DISP1: variants seen among roughly 807,000 people sequenced by gnomAD.
DISP1 encodes the protein protein dispatched homolog 1.
In DISP1, 30 loss-of-function variants were observed where a neutral mutation model predicts 37.3. That is an observed-to-expected ratio of 0.80 (90% CI 0.60 to 1.09). DISP1 has a LOEUF of 1.09. Ranked by LOEUF, DISP1 falls within the 50% of genes least tolerant of loss-of-function variation. DISP1 has a pLI of 0.00. For synonymous variants in DISP1, 634 were observed against 690.2 expected (o/e 0.92, Z 1.28); for missense variants, 1,598 against 1,879.5 (o/e 0.85, Z 2.77).
intron 7 of DISP1, among the ~76,000 whole-genome samples, chr1:222,992,965 G>C (rs545919380): frequency 6.7e-6 from 1 of 148,610 alleles, no homozygotes; most frequent in Non-Finnish European, 1.5e-5. Context: ...AGGTTCAAGC[G>C]ATTCTCCTGC....
intron 2 of DISP1, among the ~76,000 whole-genome samples, chr1:222,939,986 C>T (rs1214513507): frequency 4.0e-5 from 6 of 151,822 alleles, no homozygotes; most frequent in African/African-American, 9.7e-5. Context: ...ATTAGCCAGG[C>T]GTGGTGGTGG....
At chr1:222,983,145 CTT>C (rs1558068422) in intron 4 of DISP1, 36 bp downstream of exon 4, 1 of 1,484,868 alleles carries the variant, frequency 6.7e-7, no homozygotes, top group South Asian at 1.1e-5. Flanking sequence ...AAATAATAAA[CTT>C]ACCTGCATGC....
chr1:222,984,403 CAAAAA>C (rs143486728), intron 4 of DISP1, among the ~76,000 whole-genome samples: 180 of 29,890 alleles, frequency 6.0e-3, no homozygotes, highest in Admixed American at 8.0e-3. Context: ...GACTCTGTCT[CAAAAA>C]AAAAAAAAAA....
chr1:222,999,279 G>A lies in DISP1; in HGVS notation c.988-3106G>A, dbSNP rs945655940. 2.0e-5 allele frequency among the ~76,000 whole-genome samples: 3 copies of A among 152,128 alleles called. No homozygotes were observed. The South Asian group carries it at 6.2e-4, about 32-fold the overall frequency. ...GAATTAGAAGGGCTATATTCCTCAT[G>A]AGAGGTATAAGAAGTTGCTTCCACT... On this transcript the variant is annotated intron_variant, in intron 8 of 8. Transcript: ENST00000675850.
At chr1:222,921,524 A>G (rs1179286758) in intron 1 of DISP1, among the ~76,000 whole-genome samples, 1 of 152,224 alleles carries the variant, frequency 6.6e-6, no homozygotes, top group East Asian at 1.9e-4. Flanking sequence ...CTCTACTGAG[A>G]AAAGGGTGAA....
chr1:223,001,846 A>C (rs1679477217), intron 8 of DISP1, among the ~76,000 whole-genome samples: 1 of 152,206 alleles, frequency 6.6e-6, no homozygotes, highest in Non-Finnish European at 1.5e-5. Flanking sequence ...TTCAGACCAA[A>C]GCAGTTCTCT....
chr1:222,831,555 G>A (rs150238041), intron 1 of DISP1, among the ~76,000 whole-genome samples: 84 of 152,184 alleles, frequency 5.5e-4, no homozygotes, highest in African/African-American at 1.7e-3. Context: ...CTAGTTTTTT[G>A]TCATTACTTT....
chr1:222,980,809 G>T (rs1677778167), intron 3 of DISP1, among the ~76,000 whole-genome samples: 1 of 152,200 alleles, frequency 6.6e-6, no homozygotes, highest in Admixed American at 6.5e-5. Context: ...TCTTGGCTGG[G>T]CACAGTGGCT....
At chr1:222,889,837 A>G (rs1558313519) in intron 1 of DISP1, among the ~76,000 whole-genome samples, 3 of 152,142 alleles carry the variant, frequency 2.0e-5, no homozygotes, top group African/African-American at 7.2e-5. Flanking sequence ...TTAACCAAGG[A>G]AGTAGTGAAG....
chr1:222,965,854 G>A (rs1403494035), intron 3 of DISP1, among the ~76,000 whole-genome samples: 1 of 152,062 alleles, frequency 6.6e-6, no homozygotes, highest in East Asian at 1.9e-4. Flanking sequence ...GGACGACACA[G>A]TGAGACCTCG....
intron 3 of DISP1, among the ~76,000 whole-genome samples, chr1:222,968,631 T>C (rs1334693195): frequency 6.6e-6 from 1 of 152,244 alleles, no homozygotes; most frequent in Non-Finnish European, 1.5e-5. Context: ...TAGATTTTTT[T>C]CCCCCTTAAA....
intron 3 of DISP1, among the ~76,000 whole-genome samples, chr1:222,980,362 T>A (rs1258745871): frequency 6.6e-6 from 1 of 151,960 alleles, no homozygotes; most frequent in Non-Finnish European, 1.5e-5. Context: ...TTTAGTAAAA[T>A]GTTGAAAGAG....
intron 3 of DISP1, among the ~76,000 whole-genome samples, chr1:222,977,136 T>G (rs1367578159): frequency 6.6e-6 from 1 of 152,074 alleles, no homozygotes; most frequent in Non-Finnish European, 1.5e-5. Context: ...TTCAAGCGAT[T>G]CTCCTGCCTC....
At chr1:222,983,856 C>T (rs1246280769) in intron 4 of DISP1, among the ~76,000 whole-genome samples, 4 of 152,024 alleles carry the variant, frequency 2.6e-5, no homozygotes, top group Admixed American at 2.0e-4. Flanking sequence ...AAAATTTTAA[C>T]TTGATAAGAG....
rs527589754 is a variant in DISP1 at position 222,922,530 on chromosome 1, G to C, written c.-158-5900G>C. The stretch of plus-strand genomic sequence containing the variant: ...TAGCTCAGGATGCAGCACAGATCTG[G>C]TGTTCAATAAATACATATTTAAGTG... On this transcript the variant is annotated intron_variant, in intron 1 of 8. Transcript: ENST00000675850. Among the ~76,000 whole-genome samples, 9 of 152,260 alleles carry C rather than the reference G, an allele frequency of 5.9e-5. 1 individual carries two copies. In the South Asian group the frequency reaches 1.9e-3, roughly 32 times the overall value.
At chr1:222,936,809 T>A (rs1261580668) in intron 2 of DISP1, among the ~76,000 whole-genome samples, 2 of 48,448 alleles carry the variant, frequency 4.1e-5, no homozygotes, top group Non-Finnish European at 7.6e-5. Flanking sequence ...ATTATATATA[T>A]AAATTATATA....
chr1:222,868,699 CTG>C (rs1483980989), intron 1 of DISP1, among the ~76,000 whole-genome samples: 1 of 152,032 alleles, frequency 6.6e-6, no homozygotes, highest in Non-Finnish European at 1.5e-5. Context: ...GATGATCTGA[CTG>C]TGAATTGACT....
intron 1 of DISP1, among the ~76,000 whole-genome samples, chr1:222,904,260 T>C (rs766576025): frequency 2.6e-5 from 4 of 152,216 alleles, no homozygotes; most frequent in Non-Finnish European, 4.4e-5. Flanking sequence ...TCTGAATTAC[T>C]TATTAGTAGA....
intron 1 of DISP1, among the ~76,000 whole-genome samples, chr1:222,895,907 CT>C (rs1671225016): frequency 6.6e-6 from 1 of 152,122 alleles, no homozygotes; most frequent in Admixed American, 6.5e-5. Flanking sequence ...ACAAAGATTT[CT>C]CAAGATTTTT....
Sources: gnomAD v4.1 joint callset for allele counts (sites outside exome capture counted in the v4.1 genomes callset) on GRCh38, gnomAD v4.1.1 for gene constraint, MANE v1.5 for transcripts, NCBI Gene and HGNC (gene_info 2026-07-23, HGNC 2026-07-21) for gene names.